The following SEPTIN9 variants were observed in gnomAD, a reference collection of about 807,000 sequenced individuals.
The protein encoded by SEPTIN9 is septin-9.
Under a neutral mutation model 56.6 loss-of-function variants are expected in SEPTIN9, and 13 were observed. The observed-to-expected ratio is 0.23, with a 90% CI of 0.15 to 0.37. The LOEUF is 0.37. Among genes scored for constraint, SEPTIN9 ranks in the 10% least tolerant of loss-of-function variants. The pLI is 1.00. For missense variants in SEPTIN9, 650 were observed against 823.1 expected, an observed-to-expected ratio of 0.79 and a Z score of 2.57; for synonymous variants, 332 against 334.1, an observed-to-expected ratio of 0.99 and a Z score of 0.07.
chr17:77,360,394 A>G lies in SEPTIN9; in HGVS notation c.77-41665A>G, dbSNP rs2034375650. On this transcript the variant is annotated intron_variant, in intron 2 of 11. Coordinates refer to ENST00000427177, the MANE Select transcript of SEPTIN9 (RefSeq NM_001113491.2). ...CCGTAGCTGCCTGAGCGTTTTATCCAGTGGTGTGCATGTCTTTTCCCAACT... is the reference window on the plus strand; with the variant it reads ...CCGTAGCTGCCTGAGCGTTTTATCCGGTGGTGTGCATGTCTTTTCCCAACT... Among the ~76,000 whole-genome samples, 5 of 152,204 alleles carry G rather than the reference A, an allele frequency of 3.3e-5. No individual in the cohort carries two copies. In the South Asian group the frequency reaches 1.0e-3, roughly 31 times the overall value.
At position 77,476,042 on chromosome 17, in the gene SEPTIN9, G is replaced by C; in HGVS notation, c.722-6102G>C. 1.1e-6 allele frequency: 1 copy of C among 918,134 alleles called. No homozygotes were observed. The highest frequency in any genetic ancestry group is 1.7e-5 in the African/African-American group (1 of 60,554). 56.9% of individuals were successfully genotyped at this position (918,134 alleles called of 1,614,324 possible). On this transcript the variant is annotated intron_variant, in intron 3 of 11. Transcript: ENST00000427177. This position sits in a 1 kb window ranked among gnomAD's most constrained non-coding sequence, Gnocchi z 6.0. The stretch of plus-strand genomic sequence containing the variant: ...CAGGCCCGGCTGTCACTCCCCTGGA[G>C]CTGGGAATGGCATTGGGCGGTGGCT...
At chr17:77,362,610 G>T (rs922275265) in intron 2 of SEPTIN9, among the ~76,000 whole-genome samples, 12 of 152,246 alleles carry the variant, frequency 7.9e-5, no homozygotes, top group African/African-American at 2.9e-4. Context: ...AGGAAGGCCA[G>T]GGGCAGACGA....
chr17:77,343,188 G>A (rs2033792530), intron 2 of SEPTIN9, among the ~76,000 whole-genome samples: 2 of 152,202 alleles, frequency 1.3e-5, no homozygotes, highest in South Asian at 2.1e-4. Flanking sequence ...GTTGCCAGGG[G>A]ACCCAGCCTT....
intron 1 of SEPTIN9, among the ~76,000 whole-genome samples, chr17:77,305,075 C>A (rs1011761977): frequency 2.2e-4 from 33 of 152,162 alleles, no homozygotes; most frequent in African/African-American, 8.0e-4. Flanking sequence ...GCTGGCCCTT[C>A]CATCCTTGCT....
At chr17:77,383,142 C>T (rs1395512733) in intron 2 of SEPTIN9, among the ~76,000 whole-genome samples, 2 of 150,792 alleles carry the variant, frequency 1.3e-5, no homozygotes, top group East Asian at 4.0e-4. Context: ...CCCTCTCTCC[C>T]TCCCTCTTTC....
intron 2 of SEPTIN9, among the ~76,000 whole-genome samples, chr17:77,398,534 G>A (rs567944963): frequency 1.0e-3 from 157 of 152,154 alleles, no homozygotes; most frequent in Non-Finnish European, 1.8e-3. Context: ...CGTTTGGGGG[G>A]ATGGCGTGAG....
At chr17:77,384,391 G>A (rs943320712) in intron 2 of SEPTIN9, among the ~76,000 whole-genome samples, 2 of 152,134 alleles carry the variant, frequency 1.3e-5, no homozygotes, top group African/African-American at 4.8e-5. Flanking sequence ...TGGCAGCTGA[G>A]GCTGGACATT....
At chr17:77,346,730 G>A (rs2092510795) in intron 2 of SEPTIN9, among the ~76,000 whole-genome samples, 1 of 152,112 alleles carries the variant, frequency 6.6e-6, no homozygotes, top group South Asian at 2.1e-4. Flanking sequence ...TCTGATGCTT[G>A]TTTCTCAGAT....
intron 3 of SEPTIN9, among the ~76,000 whole-genome samples, chr17:77,411,271 A>G (rs528073193): frequency 6.6e-6 from 1 of 152,234 alleles, no homozygotes. Context: ...GTGTAAAAAA[A>G]GTCAATGTGT....
At position 77,475,908 on chromosome 17, in the gene SEPTIN9, G is replaced by A. The variant is rs774046788; in HGVS notation, c.722-6236G>A. On this transcript the variant is annotated intron_variant, in intron 3 of 11. Coordinates refer to ENST00000427177, the MANE Select transcript of SEPTIN9 (RefSeq NM_001113491.2). The surrounding 1 kb of genome is among the most constrained non-coding windows in gnomAD (Gnocchi z 4.6). ...CCATTGGCAGTGACAGACAAGGTGT[G>A]TGGGGATGTGGCCATTTCGGTCCGT... The A allele has an allele frequency of 1.2e-6, 2 of 1,606,526 alleles. No individual in the cohort carries two copies. Among genetic ancestry groups the A allele is most frequent in the South Asian group, 2.2e-5 (2 of 90,712 alleles).
chr17:77,427,302 T>C (rs1476539566), intron 3 of SEPTIN9: 3 of 152,254 alleles, frequency 2.0e-5, no homozygotes, highest in African/African-American at 7.2e-5. Context: ...ACGGGGCTTC[T>C]GGGGGACTAA....
intron 2 of SEPTIN9, among the ~76,000 whole-genome samples, chr17:77,386,730 C>T (rs1194923661): frequency 5.9e-5 from 9 of 152,188 alleles, no homozygotes; most frequent in African/African-American, 1.9e-4. Flanking sequence ...GGGGAAAGAT[C>T]GGGGAGGCCT....
chr17:77,335,646 AT>A (rs2033522821), intron 2 of SEPTIN9, among the ~76,000 whole-genome samples: 2 of 145,334 alleles, frequency 1.4e-5, no homozygotes, highest in African/African-American at 5.1e-5. Context: ...GTATTAGTAT[AT>A]GTACATATAT....
intron 2 of SEPTIN9, among the ~76,000 whole-genome samples, chr17:77,387,116 A>G (rs2144008178): frequency 6.6e-6 from 1 of 152,280 alleles, no homozygotes; most frequent in East Asian, 1.9e-4. Context: ...TGCTGCAACA[A>G]AGCCCCACGA....
intron 3 of SEPTIN9, among the ~76,000 whole-genome samples, chr17:77,427,808 A>T (rs57035195): frequency 1.3e-5 from 2 of 152,252 alleles, no homozygotes; most frequent in East Asian, 1.9e-4. Context: ...CCAGGCCGGC[A>T]GGGGAGCCGA....
chr17:77,379,843 A>G (rs2143958191), intron 2 of SEPTIN9, among the ~76,000 whole-genome samples: 1 of 152,190 alleles, frequency 6.6e-6, no homozygotes, highest in Non-Finnish European at 1.5e-5. Context: ...CCCAGCCAAA[A>G]ACCAAGTTCC....
At chr17:77,373,622 G>C in intron 2 of SEPTIN9, 1 of 1,524,306 alleles carries the variant, frequency 6.6e-7, no homozygotes, top group Non-Finnish European at 8.8e-7. Flanking sequence ...CCTGGCGCGG[G>C]ACGGGGGTGC....
intron 10 of SEPTIN9, among the ~76,000 whole-genome samples, chr17:77,495,520 C>T (rs1227519672): frequency 6.6e-6 from 1 of 152,216 alleles, no homozygotes; most frequent in Non-Finnish European, 1.5e-5. Context: ...ACGCCATGAA[C>T]TCATTTAATC....
chr17:77,326,546 G>A lies in SEPTIN9; in HGVS notation c.76+19349G>A, dbSNP rs996435464. On this transcript the variant is annotated intron_variant, in intron 2 of 11. Coordinates refer to ENST00000427177, the MANE Select transcript of SEPTIN9 (RefSeq NM_001113491.2). This position sits in a 1 kb window ranked among gnomAD's most constrained non-coding sequence, Gnocchi z 5.1. The stretch of plus-strand genomic sequence containing the variant: ...TGTGTTCAAAGGCCCTGGGGCGCGG[G>A]GGGCTGAGGCCGGCAGCACGGCAGG... Among the ~76,000 whole-genome samples, 1 of 152,242 alleles carries A rather than the reference G, an allele frequency of 6.6e-6. No individual in the cohort carries two copies. The highest frequency in any genetic ancestry group is 2.1e-4 in the South Asian group (1 of 4,830).
Sources: allele counts gnomAD v4.1 joint callset (sites outside exome capture counted in the v4.1 genomes callset), GRCh38; gene constraint gnomAD v4.1.1; non-coding constraint Gnocchi (gnomAD v3.1); transcripts MANE v1.5; gene names NCBI Gene and HGNC (gene_info 2026-07-23, HGNC 2026-07-21).